Variants in GCNT4 observed in about 807,000 individuals in gnomAD.
GCNT4 encodes beta-1,3-galactosyl-O-glycosyl-glycoprotein beta-1,6-N-acetylglucosaminyltransferase 4.
Under a neutral mutation model 31.3 loss-of-function variants are expected in GCNT4, and 17 were observed. The observed-to-expected ratio is 0.54, with a 90% CI of 0.37 to 0.81. The LOEUF (loss-of-function observed/expected upper bound fraction) is 0.81, where lower values mean the gene tolerates loss of function less well. Among genes scored for constraint, GCNT4 ranks in the 40% least tolerant of loss-of-function variants. The probability of loss-of-function intolerance (pLI) is 0.00; values close to 1 mark genes in which losing one functional copy is unlikely to be tolerated. For missense variants in GCNT4, 503 were observed against 525.5 expected (o/e 0.96, Z 0.42); for synonymous variants, 158 against 190.6 (o/e 0.83, Z 1.41).
At chr5:75,018,568 A>G in the GCNT4 span, among the ~76,000 whole-genome samples, 3 of 152,004 alleles carry the variant, frequency 2.0e-5, no homozygotes, top group African/African-American at 7.3e-5. Context: ...ATCCCCCCCA[A>G]AGTGCTGGGA....
downstream of GCNT4, among the ~76,000 whole-genome samples, chr5:75,025,182 T>A (rs1742928691): frequency 6.6e-6 from 1 of 152,232 alleles, no homozygotes; most frequent in Non-Finnish European, 1.5e-5. Flanking sequence ...TTAAATGGCT[T>A]AAGTTCATGT....
intron 3 of GCNT4, among the ~76,000 whole-genome samples, chr5:75,040,588 T>C (rs1316770145): frequency 6.6e-6 from 1 of 152,218 alleles, no homozygotes; most frequent in Non-Finnish European, 1.5e-5. Flanking sequence ...GATAATGTTT[T>C]TTCTATCCCA....
At chr5:75,037,073 T>C (rs998280670) in intron 3 of GCNT4, among the ~76,000 whole-genome samples, 3 of 152,224 alleles carry the variant, frequency 2.0e-5, no homozygotes, top group Non-Finnish European at 4.4e-5. Flanking sequence ...TTTGCTTCTG[T>C]CTAAAGCCTT....
Position 75,027,306 on chromosome 5 carries a change from TTATA to T in GCNT4, c.*1366_*1369del, listed in dbSNP as rs1742966680. On this transcript the variant is annotated 3_prime_UTR_variant, in exon 4 of 4. Coordinates refer to ENST00000652361, the MANE Select transcript of GCNT4 (RefSeq NM_001366737.1). ...ATAATATATATTTATATATATATAA[TTATA>T]TGTATATATAATATATATTCATATA... is the stretch of plus-strand genomic sequence containing the variant. 1.5e-5 allele frequency: 1 copy of T among 67,922 alleles called. No homozygotes were observed. Among genetic ancestry groups the T allele is most frequent in the Non-Finnish European group, 2.8e-5 (1 of 35,222 alleles). 4.2% of individuals were successfully genotyped at this position (67,922 alleles called of 1,614,324 possible). A position where few individuals can be genotyped will look rare whatever the true frequency, so the allele number is the denominator to read the frequency against.
intron 3 of GCNT4, among the ~76,000 whole-genome samples, chr5:75,032,975 A>G (rs1743105635): frequency 6.6e-6 from 1 of 151,966 alleles, no homozygotes; most frequent in Admixed American, 6.6e-5. Flanking sequence ...AGAAATGGCT[A>G]GAATTGGAAG....
chr5:75,043,244 A>G (rs1170392399), intron 3 of GCNT4, among the ~76,000 whole-genome samples: 1 of 152,254 alleles, frequency 6.6e-6, no homozygotes, highest in African/African-American at 2.4e-5. Context: ...CCAACAGATT[A>G]TGATGTTAAA....
intron 3 of GCNT4, chr5:75,030,724 G>A (rs1353613186): frequency 6.0e-6 from 1 of 167,086 alleles, no homozygotes; most frequent in Non-Finnish European, 1.5e-5. Context: ...ACTGAGAGTA[G>A]TAGGTGGGGT....
downstream of GCNT4, chr5:75,025,216 T>C (rs1006677359): frequency 6.6e-6 from 1 of 152,260 alleles, no homozygotes; most frequent in African/African-American, 2.4e-5. Context: ...ATAATACACA[T>C]GCTGAATTTC....
intron 3 of GCNT4, among the ~76,000 whole-genome samples, chr5:75,042,644 T>G (rs998099677): frequency 1.3e-5 from 2 of 152,204 alleles, no homozygotes; most frequent in Non-Finnish European, 2.9e-5. Context: ...TTAGACACCC[T>G]GAGTTTAAAA....
intron 3 of GCNT4, among the ~76,000 whole-genome samples, chr5:75,031,611 G>C (rs11957690): frequency 6.6e-6 from 1 of 152,062 alleles, no homozygotes; most frequent in South Asian, 2.1e-4. Context: ...CACTGGTAAC[G>C]GGAATTGCTT....
At position 75,044,005 on chromosome 5, in the gene GCNT4, T is replaced by C. The variant is rs112620837; in HGVS notation, c.-2+3892A>G. ...CCAAGATTTACCAAATTAACTCTGA[T>C]GTTGGCAAGAACTGTGCAGTCTGCT... On this transcript the variant is annotated intron_variant, in intron 3 of 3. Coordinates refer to ENST00000652361, the MANE Select transcript of GCNT4 (RefSeq NM_001366737.1). Among the ~76,000 whole-genome samples the C allele has an allele frequency of 9.0e-3, 1,367 of 152,334 alleles. 17 individuals carry two copies. Among genetic ancestry groups the C allele is most frequent in the African/African-American group, 0.031 (1,281 of 41,568 alleles).
chr5:75,042,532 C>T (rs1477568683), intron 3 of GCNT4, among the ~76,000 whole-genome samples: 1 of 152,142 alleles, frequency 6.6e-6, no homozygotes, highest in African/African-American at 2.4e-5. Flanking sequence ...AAAGTAGAAT[C>T]TCCATGTCCA....
At chr5:75,019,309 T>G in the GCNT4 span, among the ~76,000 whole-genome samples, 1 of 152,192 alleles carries the variant, frequency 6.6e-6, no homozygotes, top group African/African-American at 2.4e-5. Context: ...TGCCAGCACC[T>G]TGTTCTTAGA....
At chr5:75,046,426 G>A (rs78766708) in intron 3 of GCNT4, among the ~76,000 whole-genome samples, 9,026 of 152,214 alleles carry the variant, frequency 0.059, 295 homozygotes, top group Middle Eastern at 0.11. Context: ...CAGGAACTCC[G>A]CTAGGTGTTG....
Position 75,029,191 on chromosome 5 carries a change from T to C in GCNT4, c.847A>G (p.Ile283Val), listed in dbSNP as rs1271244155. Reference sequence around the variant, plus strand: ...GCTTCCTTGGAGATGTTTGTCCTTATTGGTAGCTTCACATATTCATAAGGC... The same window carrying C: ...GCTTCCTTGGAGATGTTTGTCCTTACTGGTAGCTTCACATATTCATAAGGC... ...RVPYEYVKLP[I>V]RTNISKEAPP... The change falls in exon 4 of 4, where the codon ATA becomes GTA. Residue 283 changes from isoleucine (I) to valine (V), a missense_variant. Ile to Val is a conservative substitution (Grantham distance 29, BLOSUM62 3). Coordinates refer to ENST00000652361, the MANE Select transcript of GCNT4 (RefSeq NM_001366737.1). 1.9e-6 allele frequency: 3 copies of C among 1,614,012 alleles called. No individual in the cohort carries two copies. Among genetic ancestry groups the C allele is most frequent in the Non-Finnish European group, 8.5e-7 (1 of 1,180,024 alleles).
chr5:75,024,627 G>A (rs1421962260), downstream of GCNT4, among the ~76,000 whole-genome samples: 1 of 152,100 alleles, frequency 6.6e-6, no homozygotes, highest in Admixed American at 6.5e-5. Flanking sequence ...GGACACTGGG[G>A]GTGTCTGCGT....
In GCNT4 at chr5:75,041,668, C is replaced by T. The variant is rs1454682588; in HGVS notation, c.-2+6229G>A. On this transcript the variant is annotated intron_variant, in intron 3 of 3. Transcript: ENST00000652361. ...TAGACCTCTCAAGGTCATTGGAAAT[C>T]TGGGCTGTAGCAATGTAACAACAAC... 5.3e-5 allele frequency among the ~76,000 whole-genome samples: 8 copies of T among 152,148 alleles called. 1 individual carries two copies.
rs1742967095 is a variant in GCNT4, at chr5:75,027,310, ATGTATAT to A, written c.*1359_*1365del. ...TATATATTTATATATATATAATTATATGTATATATAATATATATTCATATACAATATA... is the reference window on the plus strand; with the variant it reads ...TATATATTTATATATATATAATTATAATAATATATATTCATATACAATATA... On this transcript the variant is annotated 3_prime_UTR_variant, in exon 4 of 4. Coordinates refer to ENST00000652361, the MANE Select transcript of GCNT4 (RefSeq NM_001366737.1). 1 of 59,964 alleles carries A rather than the reference ATGTATAT, an allele frequency of 1.7e-5. No homozygotes were observed. The highest frequency in any genetic ancestry group is 1.3e-4 in the African/African-American group (1 of 7,832). The allele number at this position is 59,964 out of a possible 1,614,324, so 3.7% of individuals were successfully genotyped here.
chr5:75,017,788 T>C, the GCNT4 span, among the ~76,000 whole-genome samples: 1 of 152,188 alleles, frequency 6.6e-6, no homozygotes, highest in Non-Finnish European at 1.5e-5. Context: ...CTGCTGCCAC[T>C]ACAGCCTCCA....
Sources: allele counts gnomAD v4.1 joint callset (sites outside exome capture counted in the v4.1 genomes callset), GRCh38; gene constraint gnomAD v4.1.1; transcripts MANE v1.5; gene names NCBI Gene and HGNC (gene_info 2026-07-23, HGNC 2026-07-21).